Variants in PLEKHG4B observed in about 807,000 individuals in gnomAD.
PLEKHG4B encodes pleckstrin homology domain-containing family G member 4B.
In PLEKHG4B, 111 loss-of-function variants were observed where a neutral mutation model predicts 121.3. That is an observed-to-expected ratio of 0.92 (90% CI 0.78 to 1.07). The LOEUF is 1.07. Among genes scored for constraint, PLEKHG4B ranks in the 50% least tolerant of loss-of-function variants. The pLI is 0.00. For synonymous variants in PLEKHG4B, 738 were observed against 725.0 expected (o/e 1.02, Z -0.29); for missense variants, 1,831 against 1,757.8 (o/e 1.04, Z -0.74).
At chr5:177,703 G>A (rs916249161) in intron 18 of PLEKHG4B, among the ~76,000 whole-genome samples, 2 of 152,240 alleles carry the variant, frequency 1.3e-5, no homozygotes, top group Admixed American at 6.5e-5. Flanking sequence ...AGACCCAAGC[G>A]GGCACCGAGA....
At chr5:106,943 G>A (rs1464447890) in intron 1 of PLEKHG4B, among the ~76,000 whole-genome samples, 2 of 152,226 alleles carry the variant, frequency 1.3e-5, no homozygotes, top group African/African-American at 2.4e-5. Context: ...CTGTATGTGT[G>A]CCCACATGTG....
chr5:92,840 A>G (rs1019247748), intron 1 of PLEKHG4B, among the ~76,000 whole-genome samples: 1 of 151,986 alleles, frequency 6.6e-6, no homozygotes, highest in Non-Finnish European at 1.5e-5. Context: ...AACAAAGAGA[A>G]TTTTTACTTA....
intron 2 of PLEKHG4B, among the ~76,000 whole-genome samples, chr5:135,736 A>G (rs1297551065): frequency 1.1e-5 from 1 of 91,970 alleles, no homozygotes; most frequent in African/African-American, 3.6e-5. Context: ...TATGTATGTC[A>G]GTACTACCCA....
rs1735924179 is a variant in PLEKHG4B, at chr5:159,576, C to G, written c.2488-2207C>G. Among the ~76,000 whole-genome samples, 2 of 152,224 alleles carry G rather than the reference C, an allele frequency of 1.3e-5. No individual in the cohort carries two copies. The highest frequency in any genetic ancestry group is 6.8e-3 in the Middle Eastern group (2 of 292). ...CATGGGCTTATTTTCTGAACAGTCC[C>G]CTCTCCATACTAATCATGATGAGTC... On this transcript the variant is annotated intron_variant, in intron 11 of 19. Transcript: ENST00000637938. The surrounding 1 kb of genome is among the most constrained non-coding windows in gnomAD (Gnocchi z 5.5).
intron 13 of PLEKHG4B, among the ~76,000 whole-genome samples, chr5:164,857 G>A (rs1199759090): frequency 7.6e-6 from 1 of 131,718 alleles, no homozygotes; most frequent in African/African-American, 2.9e-5. Context: ...GTGACAGGGG[G>A]CGGGGCTCAC....
Position 130,233 on chromosome 5 carries a change from C to T in PLEKHG4B, c.244-9250C>T, listed in dbSNP as rs553432751. Among the ~76,000 whole-genome samples the T allele has an allele frequency of 1.2e-4, 18 of 152,246 alleles. No homozygotes were observed. In the South Asian group the frequency reaches 3.7e-3, roughly 32 times the overall value. On this transcript the variant is annotated intron_variant, in intron 2 of 19. Transcript: ENST00000637938. ...GCAGAAAAAACACACAAAACAAAAG[C>T]TATTCTTTACATTGTCTTTGCTGAG...
At chr5:135,404 C>CGCTT (rs1486867844) in intron 2 of PLEKHG4B, among the ~76,000 whole-genome samples, 1 of 150,478 alleles carries the variant, frequency 6.6e-6, no homozygotes, top group African/African-American at 2.4e-5. Flanking sequence ...TGGTGGCTCA[C>CGCTT]GCTTGCAATG....
At chr5:138,503 G>C (rs1469739711) in intron 2 of PLEKHG4B, among the ~76,000 whole-genome samples, 1 of 152,232 alleles carries the variant, frequency 6.6e-6, no homozygotes, top group Non-Finnish European at 1.5e-5. Flanking sequence ...ATCTGCATGT[G>C]TGTCTCTTTC....
chr5:120,891 AG>A (rs1478231982), intron 2 of PLEKHG4B, among the ~76,000 whole-genome samples: 1 of 152,186 alleles, frequency 6.6e-6, no homozygotes. Flanking sequence ...ATAACCTATA[AG>A]TAATATGGCA....
At chr5:149,173 GATATA>G (rs1735524498) in intron 6 of PLEKHG4B, among the ~76,000 whole-genome samples, 2 of 152,268 alleles carry the variant, frequency 1.3e-5, no homozygotes, top group African/African-American at 4.8e-5. Context: ...TGATTTATTA[GATATA>G]ATATCAGAGG....
chr5:171,313 C>T lies in PLEKHG4B; in HGVS notation c.3919C>T (p.Leu1307Phe), dbSNP rs1736543110. The T allele has an allele frequency of 6.2e-7, 1 of 1,612,450 alleles. No homozygotes were observed. The highest frequency in any genetic ancestry group is 1.3e-5 in the African/African-American group (1 of 74,936). ...GTACGCGCTGCTACTCCAGGACCTG[C>T]TCAAGGAGGCCAGCTGTGGCCTGGC... ...AKYALLLQDL[L>F]KEASCGLAQG... Residue 1307 changes from leucine to phenylalanine, a missense_variant, in exon 16 of 20, where the codon CTC becomes TTC. Physicochemically the swap from Leu to Phe is conservative, Grantham distance 22. Coordinates refer to ENST00000637938, the MANE Select transcript of PLEKHG4B (RefSeq NM_052909.5).
At chr5:143,978 C>T (rs756418938) in intron 5 of PLEKHG4B, 1 of 170,308 alleles carries the variant, frequency 5.9e-6, no homozygotes, top group South Asian at 1.5e-4. Flanking sequence ...GGGTCTTGCT[C>T]TGTCGCCCAG....
intron 11 of PLEKHG4B, among the ~76,000 whole-genome samples, chr5:158,009 A>G (rs1220544138): frequency 6.6e-6 from 1 of 152,086 alleles, no homozygotes; most frequent in Non-Finnish European, 1.5e-5. Flanking sequence ...CAGCTCCCAA[A>G]TATTGGCCAG....
rs191604244 is a variant in PLEKHG4B, at chr5:150,351, A to T, written c.1906-1162A>T. Among the ~76,000 whole-genome samples, 110 of 152,326 alleles carry T rather than the reference A, an allele frequency of 7.2e-4. 2 individuals are homozygous for T. In the East Asian group the frequency reaches 0.017, roughly 23 times the overall value. On this transcript the variant is annotated intron_variant, in intron 6 of 19. Transcript: ENST00000637938. ...ATTATGGTTGCCTGGTGCCAGGAGC[A>T]GGGGGTAATGGAGAGTTTTTCTTTT... is the stretch of plus-strand genomic sequence containing the variant.
intron 3 of PLEKHG4B, among the ~76,000 whole-genome samples, chr5:142,644 A>C (rs565442417): frequency 1.3e-5 from 2 of 151,932 alleles, no homozygotes; most frequent in East Asian, 3.9e-4. Context: ...ACACAAACAC[A>C]GTAACACACC....
chr5:175,007 G>A (rs1339404989), intron 18 of PLEKHG4B, among the ~76,000 whole-genome samples: 1 of 152,098 alleles, frequency 6.6e-6, no homozygotes, highest in Admixed American at 6.5e-5. Context: ...GGGCTCCTCG[G>A]TCAGCACTTG....
chr5:177,599 C>T (rs72720475), intron 18 of PLEKHG4B, among the ~76,000 whole-genome samples: 13,441 of 152,196 alleles, frequency 0.088, 853 homozygotes, highest in Non-Finnish European at 0.12. Flanking sequence ...GGATGTAAGG[C>T]AGAAAAAGAG....
intron 2 of PLEKHG4B, among the ~76,000 whole-genome samples, chr5:115,223 A>G (rs1734270722): frequency 6.6e-6 from 1 of 152,254 alleles, no homozygotes; most frequent in Admixed American, 6.5e-5. Flanking sequence ...GGGTGACCAC[A>G]TGTACTGTTG....
At chr5:127,661 TG>T (rs1429592262) in intron 2 of PLEKHG4B, among the ~76,000 whole-genome samples, 1 of 152,048 alleles carries the variant, frequency 6.6e-6, no homozygotes, top group Non-Finnish European at 1.5e-5. Context: ...GCAACAATAT[TG>T]AACTTGCACC....
Sources: gnomAD v4.1 joint callset for allele counts (sites outside exome capture counted in the v4.1 genomes callset) on GRCh38, gnomAD v4.1.1 for gene constraint, Gnocchi (gnomAD v3.1) non-coding constraint, MANE v1.5 for transcripts, NCBI Gene and HGNC (gene_info 2026-07-23, HGNC 2026-07-21) for gene names.